Variants in CHRNA1 observed in about 807,000 individuals in gnomAD.
CHRNA1 encodes the protein acetylcholine receptor subunit alpha.
CHRNA1 carries 35 observed loss-of-function variants against 47.1 expected under a neutral mutation model. The observed-to-expected ratio is 0.74, with a 90% CI of 0.57 to 0.99. The LOEUF (loss-of-function observed/expected upper bound fraction) is 0.99, where lower values mean the gene tolerates loss of function less well. CHRNA1 is among the 50% of genes least tolerant of loss of function. The probability of loss-of-function intolerance (pLI) is 0.00; values close to 1 mark genes in which losing one functional copy is unlikely to be tolerated. For synonymous variants in CHRNA1, 229 were observed against 223.6 expected, an observed-to-expected ratio of 1.02 and a Z score of -0.22; for missense variants, 506 against 591.1, an observed-to-expected ratio of 0.86 and a Z score of 1.49.
At chr2:174,762,535 A>G (rs1339070372) in intron 1 of CHRNA1, among the ~76,000 whole-genome samples, 2 of 152,258 alleles carry the variant, frequency 1.3e-5, no homozygotes, top group Admixed American at 1.3e-4. Flanking sequence ...GAGATATTCA[A>G]AACTGAATCC....
rs769890214 is a variant in CHRNA1 at position 174,757,962 on chromosome 2, G to A, written c.235-287C>T. 5.1e-6 allele frequency: 8 copies of A among 1,580,216 alleles called. No homozygotes were observed. The South Asian group carries it at 8.9e-5, about 18-fold the overall frequency. ...ATTACTGACCTCATTCTGCAGATGA[G>A]AAAACAAAGGAACTCCCAAAGTCAC... On this transcript the variant is annotated intron_variant, in intron 3 of 8. Coordinates refer to ENST00000348749, the MANE Select transcript of CHRNA1 (RefSeq NM_000079.4).
rs537815106 is a variant in CHRNA1, at chr2:174,752,426, C to T, written c.778+1077G>A. Among the ~76,000 whole-genome samples, 3 of 151,970 alleles carry T rather than the reference C, an allele frequency of 2.0e-5. No homozygotes were observed. The South Asian group carries it at 6.2e-4, about 32-fold the overall frequency. ...TTCTACAAAAAATACAAAAATTAGC[C>T]GAGTGTGGTGGCACATGCCTGTAGT... On this transcript the variant is annotated intron_variant, in intron 6 of 8. Transcript: ENST00000348749.
At chr2:174,755,077 G>A (rs2105348975) in intron 4 of CHRNA1, among the ~76,000 whole-genome samples, 1 of 152,126 alleles carries the variant, frequency 6.6e-6, no homozygotes, top group East Asian at 1.9e-4. Flanking sequence ...TAGAAACTAG[G>A]TTTCACCATG....
intron 6 of CHRNA1, chr2:174,752,851 A>G (rs780134258): frequency 1.3e-5 from 2 of 153,996 alleles, no homozygotes; most frequent in Admixed American, 6.3e-5. Flanking sequence ...CTTGTCTGCC[A>G]TAAGTTGTTT....
Position 174,758,033 on chromosome 2 carries a change from A to G in CHRNA1, c.235-358T>C, listed in dbSNP as rs867184330. The G allele has an allele frequency of 2.5e-5, 41 of 1,614,102 alleles. 1 individual carries two copies. In the Middle Eastern group the frequency reaches 5.4e-3, roughly 214 times the overall value. ...CTACCATGTCACCCTGTCCACCCAC[A>G]GAAAAGGAGAAAGACCTAGTGTGAA... is the stretch of plus-strand genomic sequence containing the variant. On this transcript the variant is annotated intron_variant, in intron 3 of 8. Coordinates refer to ENST00000348749, the MANE Select transcript of CHRNA1 (RefSeq NM_000079.4).
intron 4 of CHRNA1, among the ~76,000 whole-genome samples, chr2:174,756,412 G>A (rs1683981199): frequency 6.6e-6 from 1 of 152,200 alleles, no homozygotes; most frequent in African/African-American, 2.4e-5. Context: ...TGGGCCTGAA[G>A]TGGGCTCTTT....
At chr2:174,760,029 C>T (rs1245601445) in intron 1 of CHRNA1, among the ~76,000 whole-genome samples, 4 of 152,066 alleles carry the variant, frequency 2.6e-5, no homozygotes, top group Non-Finnish European at 4.4e-5. Context: ...GGACTGGCTG[C>T]ATCAGATCTC....
intron 1 of CHRNA1, among the ~76,000 whole-genome samples, chr2:174,761,230 G>A (rs1684094557): frequency 6.6e-6 from 1 of 152,176 alleles, no homozygotes; most frequent in African/African-American, 2.4e-5. Flanking sequence ...GTGGGTTGGG[G>A]ACTGTGTGTT....
chr2:174,757,526 G>T, intron 4 of CHRNA1, 40 bp downstream of exon 4: 1 of 1,477,336 alleles, frequency 6.8e-7, no homozygotes, highest in Non-Finnish European at 9.5e-7. Context: ...TATTCCACCT[G>T]CCCCAGGAGC....
chr2:174,755,261 A>AT (rs1428956102), intron 4 of CHRNA1, among the ~76,000 whole-genome samples: 2 of 152,134 alleles, frequency 1.3e-5, no homozygotes, highest in Non-Finnish European at 2.9e-5. Flanking sequence ...AGGGCCAGGC[A>AT]GGTGAGGAAT....
At chr2:174,755,309 C>T (rs1683958598) in intron 4 of CHRNA1, among the ~76,000 whole-genome samples, 1 of 152,206 alleles carries the variant, frequency 6.6e-6, no homozygotes, top group Admixed American at 6.5e-5. Flanking sequence ...GCGCCCCTCT[C>T]TCCTGTCAGG....
chr2:174,751,812 G>A (rs548486442), intron 6 of CHRNA1, among the ~76,000 whole-genome samples: 234 of 151,632 alleles, frequency 1.5e-3, no homozygotes, highest in Admixed American at 4.0e-3. Flanking sequence ...CCAAGTAATT[G>A]GGATTACAGG....
At chr2:174,752,039 T>A (rs1683864376) in intron 6 of CHRNA1, among the ~76,000 whole-genome samples, 1 of 151,972 alleles carries the variant, frequency 6.6e-6, no homozygotes. Flanking sequence ...TTAGTTCCCA[T>A]AATGCCCCGA....
chr2:174,748,382 G>T (rs1683777144), intron 8 of CHRNA1, 127 bp from the exon 9 acceptor site: 1 of 1,443,042 alleles, frequency 6.9e-7, no homozygotes, highest in Admixed American at 2.0e-5. Flanking sequence ...CCCTTGGCTG[G>T]CATCGTCTTT....
At chr2:174,750,631 T>C (rs2646200) in intron 6 of CHRNA1, among the ~76,000 whole-genome samples, 136,979 of 152,166 alleles carry the variant, frequency 0.9, 61,963 homozygotes, top group East Asian at 1. Flanking sequence ...GGAATGTGAC[T>C]GACATGTTCT....
At chr2:174,760,659 T>A (rs530089484) in intron 1 of CHRNA1, among the ~76,000 whole-genome samples, 2 of 152,240 alleles carry the variant, frequency 1.3e-5, no homozygotes, top group Non-Finnish European at 2.9e-5. Context: ...CATGTGAATG[T>A]ACTTAATGCC....
chr2:174,761,650 G>C (rs1455241277), intron 1 of CHRNA1, among the ~76,000 whole-genome samples: 1 of 152,116 alleles, frequency 6.6e-6, no homozygotes, highest in African/African-American at 2.4e-5. Flanking sequence ...AATGTTCCAA[G>C]GGCACTCAGT....
chr2:174,748,250 C>A lies in CHRNA1; in HGVS notation c.1248G>T (p.Ala416=), dbSNP rs17838545. 1.7e-5 allele frequency: 27 copies of A among 1,613,952 alleles called. No individual in the cohort carries two copies. The highest frequency in any genetic ancestry group is 3.3e-4 in the Middle Eastern group (2 of 6,072). Residue 416 remains alanine (A), a synonymous_variant, in exon 9 of 9, where the codon GCG becomes GCT. Transcript: ENST00000348749. ...CCATTGCAACGTACTTCCACTCTGC[C>A]GCCGCCTGGGAGAGAGGAAAATGTT... The part of the protein sequence containing the change: ...MKSDQESNNA[A]AEWKYVAMVM...
intron 6 of CHRNA1, 93 bp from the exon 7 acceptor site, chr2:174,750,262 G>T (rs570647389): frequency 6.5e-6 from 6 of 919,880 alleles, no homozygotes; most frequent in African/African-American, 1.7e-5. Flanking sequence ...ATATGTGGAA[G>T]TCCTGAGTCC....
Sources: gnomAD v4.1 joint callset for allele counts (sites outside exome capture counted in the v4.1 genomes callset) on GRCh38, gnomAD v4.1.1 for gene constraint, MANE v1.5 for transcripts, NCBI Gene and HGNC (gene_info 2026-07-23, HGNC 2026-07-21) for gene names.